TVP23C: variants seen among roughly 807,000 people sequenced by gnomAD.
TVP23C encodes trans-golgi network vesicle protein 23 homolog C, also known as Golgi apparatus membrane protein TVP23 homolog C.
Under a neutral mutation model 28.7 loss-of-function variants are expected in TVP23C, and 19 were observed. The ratio of observed to expected loss-of-function variants is 0.66; its 90% CI spans 0.46 to 0.97. The LOEUF is 0.97. TVP23C is among the 50% of genes least tolerant of loss of function. The pLI, the probability that TVP23C is intolerant of heterozygous loss-of-function variation, is 0.00. For missense variants in TVP23C, 186 were observed against 241.3 expected (o/e 0.77, Z 1.52); for synonymous variants, 68 against 81.7 (o/e 0.83, Z 0.90).
At chr17:15,507,604 C>A (rs532920911) in intron 5 of TVP23C, among the ~76,000 whole-genome samples, 1 of 152,220 alleles carries the variant, frequency 6.6e-6, no homozygotes, top group East Asian at 1.9e-4. Flanking sequence ...TTTGGGAGGC[C>A]GACGCAGGCG....
At chr17:15,558,739 G>T (rs1984244452) in intron 1 of TVP23C, among the ~76,000 whole-genome samples, 1 of 148,846 alleles carries the variant, frequency 6.7e-6, no homozygotes, top group Non-Finnish European at 1.5e-5. Context: ...CCCACACCTT[G>T]ATGTTTAACC....
exon 6 of TVP23C, chr17:15,502,737 T>C (rs940216049): frequency 2.4e-5 from 24 of 992,020 alleles, no homozygotes; most frequent in Admixed American, 1.7e-4. Flanking sequence ...TCTCTTTCTC[T>C]CTCCTCTCTC....
chr17:15,505,353 A>G (rs1170267407), intron 5 of TVP23C, among the ~76,000 whole-genome samples: 2 of 152,126 alleles, frequency 1.3e-5, no homozygotes, highest in African/African-American at 4.8e-5. Context: ...GCACATGTCA[A>G]TTCTCCCACC....
intron 5 of TVP23C, among the ~76,000 whole-genome samples, chr17:15,503,887 G>C (rs1202766376): frequency 6.6e-6 from 1 of 152,072 alleles, no homozygotes; most frequent in African/African-American, 2.4e-5. Context: ...TAGGAGGAGT[G>C]GGTGTCAGCC....
intron 5 of TVP23C, among the ~76,000 whole-genome samples, chr17:15,525,188 G>A (rs1400999373): frequency 3.9e-5 from 6 of 152,222 alleles, no homozygotes; most frequent in South Asian, 2.1e-4. Flanking sequence ...GTTAAAAGGC[G>A]GGCACATGCC....
intron 3 of TVP23C, among the ~76,000 whole-genome samples, chr17:15,552,069 C>T (rs1293545767): frequency 6.6e-6 from 1 of 152,042 alleles, no homozygotes; most frequent in Admixed American, 6.5e-5. Flanking sequence ...CTATTTTGAT[C>T]GCATTTTTTA....
chr17:15,530,466 G>A (rs924046115), intron 5 of TVP23C, among the ~76,000 whole-genome samples: 1 of 152,040 alleles, frequency 6.6e-6, no homozygotes, highest in African/African-American at 2.4e-5. Flanking sequence ...CATACAAATT[G>A]CATCTTTTAT....
At chr17:15,527,676 C>T (rs1406825906) in intron 5 of TVP23C, among the ~76,000 whole-genome samples, 2 of 152,158 alleles carry the variant, frequency 1.3e-5, no homozygotes, top group Non-Finnish European at 2.9e-5. Flanking sequence ...GCTGCTTCAT[C>T]TGTAAAAATG....
chr17:15,538,859 G>A lies in TVP23C; in HGVS notation c.*1553C>T. ...TACCCTAAGGTGGACCACAGTAAAG[G>A]TATATTGGAGCCATGCAAAAATCCT... On this transcript the variant is annotated 3_prime_UTR_variant, in exon 6 of 6. Coordinates refer to ENST00000518321, the MANE Select transcript of TVP23C (RefSeq NM_001135036.2). The A allele has an allele frequency of 1.0e-6, 1 of 985,778 alleles. No individual in the cohort carries two copies. The highest frequency in any genetic ancestry group is 1.7e-5 in the African/African-American group (1 of 57,324). 61.1% of individuals were successfully genotyped at this position (985,778 alleles called of 1,614,324 possible).
Position 15,510,366 on chromosome 17 carries a change from G to A in TVP23C, c.463-7134C>T, listed in dbSNP as rs772635889. ...ACTTATCAACACAAGACGTACAAGCGGCCAATAAACATGAGAAAATGTTCA... is the reference window on the plus strand; with the variant it reads ...ACTTATCAACACAAGACGTACAAGCAGCCAATAAACATGAGAAAATGTTCA... On this transcript the variant is annotated intron_variant, in intron 5 of 5. Transcript: ENST00000225576. Among the ~76,000 whole-genome samples, 51 of 152,224 alleles carry A rather than the reference G, an allele frequency of 3.4e-4. 1 individual carries two copies. Among genetic ancestry groups the A allele is most frequent in the Admixed American group, 2.6e-3 (40 of 15,290 alleles).
rs1180348838 is a variant in TVP23C at position 15,539,552 on chromosome 17, G to C, written c.*860C>G. On this transcript the variant is annotated 3_prime_UTR_variant, in exon 6 of 6. Coordinates refer to ENST00000518321, the MANE Select transcript of TVP23C (RefSeq NM_001135036.2). Reference sequence around the variant, plus strand: ...CGGGAGGCGGAGCTTGCAGTAAGCCGAGATCACGCCACTGCACTCCAGCCT... The same window carrying C: ...CGGGAGGCGGAGCTTGCAGTAAGCCCAGATCACGCCACTGCACTCCAGCCT... 1.3e-6 allele frequency: 1 copy of C among 793,850 alleles called. No individual in the cohort carries two copies. The highest frequency in any genetic ancestry group is 6.3e-5 in the Admixed American group (1 of 15,760). 49.2% of individuals were successfully genotyped at this position (793,850 alleles called of 1,614,324 possible).
chr17:15,542,346 G>T (rs1983447231), intron 5 of TVP23C, among the ~76,000 whole-genome samples: 1 of 152,330 alleles, frequency 6.6e-6, no homozygotes, highest in East Asian at 1.9e-4. Flanking sequence ...AGCGCAGAAG[G>T]ATCAATAATC....
intron 5 of TVP23C, among the ~76,000 whole-genome samples, chr17:15,509,824 G>A (rs865982098): frequency 6.6e-6 from 1 of 152,188 alleles, no homozygotes; most frequent in Non-Finnish European, 1.5e-5. Flanking sequence ...TCCTTCCCTG[G>A]CTCACATGGC....
intron 3 of TVP23C, among the ~76,000 whole-genome samples, chr17:15,549,916 C>CT (rs1487373262): frequency 6.6e-6 from 1 of 150,586 alleles, no homozygotes; most frequent in Non-Finnish European, 1.5e-5. Context: ...GGGAGAGATG[C>CT]TAAGTAAAAA....
intron 5 of TVP23C, among the ~76,000 whole-genome samples, chr17:15,518,596 GACAA>G (rs889053299): frequency 2.0e-5 from 3 of 152,204 alleles, no homozygotes; most frequent in African/African-American, 4.8e-5. Flanking sequence ...GTTCTGGGAT[GACAA>G]ACAGACAGTG....
chr17:15,510,837 T>C lies in TVP23C; in HGVS notation c.463-7605A>G, dbSNP rs1981967658. ...ACGTTGGGAGGCCGAGGGCAGATCA[T>C]GAGGTCAAGAGTTCGAGACCAGCCT... is the stretch of plus-strand genomic sequence containing the variant. On this transcript the variant is annotated intron_variant, in intron 5 of 5. Coordinates refer to the TVP23C transcript ENST00000225576. Among the ~76,000 whole-genome samples, 3 of 151,992 alleles carry C rather than the reference T, an allele frequency of 2.0e-5. No individual in the cohort carries two copies. In the South Asian group the frequency reaches 6.2e-4, roughly 32 times the overall value.
In TVP23C at chr17:15,502,808, TC is replaced by T. The variant is rs779527713; in HGVS notation, c.*55del. 912 of 1,415,650 alleles carry T rather than the reference TC, an allele frequency of 6.4e-4. 1 individual carries two copies. The highest frequency in any genetic ancestry group is 7.2e-4 in the Non-Finnish European group (776 of 1,076,164). 87.7% of individuals were successfully genotyped at this position (1,415,650 alleles called of 1,614,324 possible). A position where few individuals can be genotyped will look rare whatever the true frequency, so the allele number is the denominator to read the frequency against. Reference sequence around the variant, plus strand: ...CTCCCTCTCTCCTCTCTCCTCTCTCTCCTCTCTCTCTCTCTCTCTCTCTCCT... The same window carrying T: ...CTCCCTCTCTCCTCTCTCCTCTCTCTCTCTCTCTCTCTCTCTCTCTCTCCT... On this transcript the variant is annotated 3_prime_UTR_variant, in exon 6 of 6. Coordinates refer to the TVP23C transcript ENST00000225576.
intron 1 of TVP23C, chr17:15,562,430 G>A (rs1354482647): frequency 6.6e-6 from 1 of 152,108 alleles, no homozygotes. Context: ...AGTTGGCCAG[G>A]ATGGTCTCGA....
At chr17:15,512,679 A>G (rs186504592) in intron 5 of TVP23C, among the ~76,000 whole-genome samples, 3 of 152,328 alleles carry the variant, frequency 2.0e-5, no homozygotes, top group African/African-American at 7.2e-5. Flanking sequence ...TAAATTTTAA[A>G]TAGCCGATAG....
Sources: allele counts gnomAD v4.1 joint callset (sites outside exome capture counted in the v4.1 genomes callset), GRCh38; gene constraint gnomAD v4.1.1; transcripts MANE v1.5; gene names NCBI Gene and HGNC (gene_info 2026-07-23, HGNC 2026-07-21).